Variants in GNG7 observed in about 807,000 individuals in gnomAD.
GNG7 encodes the protein guanine nucleotide-binding protein G(I)/G(S)/G(O) subunit gamma-7.
A neutral mutation model predicts 4.0 loss-of-function variants in GNG7; 1 was observed. The observed-to-expected ratio is 0.25, with a 90% CI of 0.09 to 1.18. GNG7 has a LOEUF of 1.18. GNG7 is among the 50% of genes most tolerant of loss of function. The pLI is 0.50. For missense variants in GNG7, 86 were observed against 91.9 expected (o/e 0.94, Z 0.26); for synonymous variants, 34 against 36.9 (o/e 0.92, Z 0.29).
chr19:2,608,779 C>T (rs1001841903), intron 2 of GNG7, among the ~76,000 whole-genome samples: 1 of 152,246 alleles, frequency 6.6e-6, no homozygotes, highest in African/African-American at 2.4e-5. Context: ...GCGTTCCCCA[C>T]TCCAGGTAAC....
At chr19:2,543,665 T>C (rs1031183107) in intron 3 of GNG7, among the ~76,000 whole-genome samples, 13 of 152,184 alleles carry the variant, frequency 8.5e-5, no homozygotes, top group African/African-American at 3.1e-4. Context: ...AGCGGGCGTT[T>C]GCTCTCCTGA....
chr19:2,568,427 CAT>C (rs1249490778), intron 2 of GNG7, among the ~76,000 whole-genome samples: 3 of 142,614 alleles, frequency 2.1e-5, no homozygotes, highest in Non-Finnish European at 4.6e-5. Flanking sequence ...GACATACACA[CAT>C]ACATATACAT....
At chr19:2,635,570 G>T (rs1404914549) in intron 2 of GNG7, among the ~76,000 whole-genome samples, 1 of 147,530 alleles carries the variant, frequency 6.8e-6, no homozygotes, top group Non-Finnish European at 1.5e-5. Flanking sequence ...GACCCAGGAG[G>T]TCTCAACTTG....
intron 2 of GNG7, among the ~76,000 whole-genome samples, chr19:2,580,908 G>A (rs1485528088): frequency 4.6e-5 from 7 of 152,050 alleles, no homozygotes; most frequent in African/African-American, 1.7e-4. Context: ...GGGATTACAG[G>A]TGTGCACCAC....
intron 3 of GNG7, among the ~76,000 whole-genome samples, chr19:2,525,143 C>G (rs1348331426): frequency 3.9e-5 from 6 of 152,168 alleles, no homozygotes; most frequent in Non-Finnish European, 7.4e-5. Context: ...CCTGCAGAGG[C>G]GCACGGGTGC....
chr19:2,511,935 G>A lies in GNG7; in HGVS notation c.*3087C>T, dbSNP rs1568226808. ...CGGAGCTGGTCCGGGAAGGTGCCCA[G>A]GTGGGTCACAACAGGGTCGGGGCCT... On this transcript the variant is annotated 3_prime_UTR_variant, in exon 5 of 5. Coordinates refer to ENST00000382159, the MANE Select transcript of GNG7 (RefSeq NM_052847.3). This position sits in a 1 kb window ranked among gnomAD's most constrained non-coding sequence, Gnocchi z 6.3. 1 of 986,146 alleles carries A rather than the reference G, an allele frequency of 1.0e-6. No individual in the cohort carries two copies. The highest frequency in any genetic ancestry group is 1.2e-6 in the Non-Finnish European group (1 of 830,182). The allele number at this position is 986,146 out of a possible 1,614,324, so 61.1% of individuals were successfully genotyped here.
chr19:2,573,902 C>A (rs16991216), intron 2 of GNG7, among the ~76,000 whole-genome samples: 12,997 of 152,184 alleles, frequency 0.085, 808 homozygotes, highest in African/African-American at 0.17. Context: ...CATATGCGAA[C>A]GGGTGAATTA....
intron 3 of GNG7, chr19:2,538,528 G>T: frequency 2.9e-6 from 1 of 350,612 alleles, no homozygotes; most frequent in Non-Finnish European, 5.5e-6. Flanking sequence ...CTACCCGGGA[G>T]GCTGAGGCAG....
chr19:2,624,528 CAAAAAAAAAA>C (rs921061279), intron 2 of GNG7, among the ~76,000 whole-genome samples: 78 of 62,484 alleles, frequency 1.2e-3, no homozygotes, highest in African/African-American at 3.9e-3. Context: ...GACTCCGTCT[CAAAAAAAAAA>C]AAAAAAAAGA....
intron 3 of GNG7, among the ~76,000 whole-genome samples, chr19:2,547,421 C>T (rs749481383): frequency 2.0e-5 from 3 of 152,048 alleles, no homozygotes; most frequent in Admixed American, 6.6e-5. Flanking sequence ...CCCTTCCTCC[C>T]CCTTCACAGA....
chr19:2,589,399 T>C (rs1328109344), intron 2 of GNG7, among the ~76,000 whole-genome samples: 1 of 128,932 alleles, frequency 7.8e-6, no homozygotes, highest in Non-Finnish European at 1.6e-5. Flanking sequence ...TTTTTTTAAA[T>C]AGCAGAGATG....
intron 3 of GNG7, chr19:2,538,280 C>T (rs780207532): frequency 2.8e-5 from 13 of 456,302 alleles, no homozygotes; most frequent in Middle Eastern, 3.2e-4. Context: ...AGAATGAAAC[C>T]GACCAGGTCA....
intron 2 of GNG7, among the ~76,000 whole-genome samples, chr19:2,587,910 A>C (rs767816720): frequency 6.6e-6 from 1 of 151,446 alleles, no homozygotes; most frequent in Non-Finnish European, 1.5e-5. Flanking sequence ...GAAAAGAAGG[A>C]GAGAGAGAGA....
chr19:2,587,954 A>G (rs942565916), intron 2 of GNG7, among the ~76,000 whole-genome samples: 67 of 152,254 alleles, frequency 4.4e-4, no homozygotes, highest in African/African-American at 1.5e-3. Flanking sequence ...AAAAGAAAGA[A>G]AGAACAGGAA....
chr19:2,694,383 A>G (rs1490153706), intron 1 of GNG7, among the ~76,000 whole-genome samples: 2 of 152,034 alleles, frequency 1.3e-5, no homozygotes, highest in Non-Finnish European at 2.9e-5. Flanking sequence ...ATGTCTGGGG[A>G]CATCGGTGGC....
At position 2,515,073 on chromosome 19, in the gene GNG7, G is replaced by T. The variant is rs758440259; in HGVS notation, c.156C>A (p.Val52=). The T allele has an allele frequency of 5.6e-6, 9 of 1,613,968 alleles. No homozygotes were observed. The highest frequency in any genetic ancestry group is 7.6e-6 in the Non-Finnish European group (9 of 1,179,894). ...HARNDPLLVG[V]PASENPFKDK... ...CCTTAAAGGGGTTCTCCGAGGCAGGGACTCCGACCAGCAGGGGGTCGTTCC... is the reference window on the plus strand; with the variant it reads ...CCTTAAAGGGGTTCTCCGAGGCAGGTACTCCGACCAGCAGGGGGTCGTTCC... Residue 52 remains valine (V), a synonymous_variant, in exon 5 of 5, where the codon GTC becomes GTA. Transcript: ENST00000382159.
Position 2,511,846 on chromosome 19 carries a change from C to G in GNG7, c.*3176G>C, listed in dbSNP as rs77939907. The G allele has an allele frequency of 1.7e-3, 1,641 of 986,146 alleles. 27 individuals are homozygous for G. In the African/African-American group the frequency reaches 0.027, roughly 16 times the overall value. The allele number at this position is 986,146 out of a possible 1,614,324, so 61.1% of individuals were successfully genotyped here. The stretch of plus-strand genomic sequence containing the variant: ...ATCTGTGCTTGGCCTGGGGTTACCC[C>G]TGGGGAGGGTGGGAGAGGGGTGAGG... On this transcript the variant is annotated 3_prime_UTR_variant, in exon 5 of 5. Coordinates refer to ENST00000382159, the MANE Select transcript of GNG7 (RefSeq NM_052847.3). The surrounding 1 kb of genome is among the most constrained non-coding windows in gnomAD (Gnocchi z 6.3).
chr19:2,575,848 G>A (rs866058359), intron 2 of GNG7, among the ~76,000 whole-genome samples: 2 of 109,876 alleles, frequency 1.8e-5, no homozygotes, highest in Non-Finnish European at 3.7e-5. Context: ...GGCACACGCA[G>A]ACACGCAGGC....
At position 2,680,274 on chromosome 19, in the gene GNG7, C is replaced by T. The variant is rs191367852; in HGVS notation, c.-135+22372G>A. ...GTGATTCTCTCTGCCTTAGCCTCCC[C>T]GAGTAACTGGGATAACAGGCACCCG... On this transcript the variant is annotated intron_variant, in intron 1 of 4. Coordinates refer to ENST00000382159, the MANE Select transcript of GNG7 (RefSeq NM_052847.3). Among the ~76,000 whole-genome samples the T allele has an allele frequency of 7.7e-3, 1,172 of 151,500 alleles. 14 individuals carry two copies. The highest frequency in any genetic ancestry group is 0.027 in the African/African-American group (1,104 of 41,234).
Sources: gnomAD v4.1 joint callset for allele counts (sites outside exome capture counted in the v4.1 genomes callset) on GRCh38, gnomAD v4.1.1 for gene constraint, Gnocchi (gnomAD v3.1) non-coding constraint, MANE v1.5 for transcripts, NCBI Gene and HGNC (gene_info 2026-07-23, HGNC 2026-07-21) for gene names.